Variants in CFAP43 observed in about 807,000 individuals in gnomAD.
The protein encoded by CFAP43 is cilia- and flagella-associated protein 43.
A neutral mutation model predicts 218.9 loss-of-function variants in CFAP43; 155 were observed. The ratio of observed to expected loss-of-function variants is 0.71; its 90% CI spans 0.62 to 0.81. The LOEUF (loss-of-function observed/expected upper bound fraction) is 0.81, where lower values mean the gene tolerates loss of function less well. Ranked by LOEUF, CFAP43 falls within the 30% of genes least tolerant of loss-of-function variation. CFAP43 has a pLI of 0.00. For synonymous variants in CFAP43, 645 were observed against 681.3 expected, an observed-to-expected ratio of 0.95 and a Z score of 0.83; for missense variants, 1,778 against 1,954.3, an observed-to-expected ratio of 0.91 and a Z score of 1.70.
rs1432023457 is a variant in CFAP43, at chr10:104,166,665, A to G, written c.2862T>C (p.Arg954=). The change falls in exon 23 of 38, where the codon CGT becomes CGC. Residue 954 remains arginine (R), a synonymous_variant. Transcript: ENST00000357060. ...CCTCTTCTTCATCATCCTCTTCATG[A>G]CGCTGTTTAATCAACTTAACTCCAG... ...AQSGVKLIKQ[R]HEEDDEEEEE... 10 of 1,614,024 alleles carry G rather than the reference A, an allele frequency of 6.2e-6. No individual in the cohort carries two copies. Among genetic ancestry groups the G allele is most frequent in the Non-Finnish European group, 6.8e-6 (8 of 1,179,996 alleles).
chr10:104,142,765 C>T (rs1034190084), intron 32 of CFAP43, among the ~76,000 whole-genome samples: 1 of 152,102 alleles, frequency 6.6e-6, no homozygotes, highest in Non-Finnish European at 1.5e-5. Flanking sequence ...CAAGAAGCAA[C>T]AAGAGGAAGG....
rs1427633139 is a variant in CFAP43 at position 104,182,510 on chromosome 10, T to C, written c.2145A>G (p.Arg715=). The change falls in exon 17 of 38, where the codon CGA becomes CGG. Residue 715 remains arginine, a synonymous_variant. Transcript: ENST00000357060. ...DGTLVYLKWK[R]FGGHLASEIL... is the part of the protein sequence containing the mutation. ...TTTCACTGGCTAGGTGTCCTCCAAA[T>C]CGCCTATATTAATAAAAAAGAAAAC... The C allele has an allele frequency of 6.4e-7, 1 of 1,572,320 alleles. No individual in the cohort carries two copies. Among genetic ancestry groups the C allele is most frequent in the Admixed American group, 2.1e-5 (1 of 47,566 alleles).
intron 28 of CFAP43, among the ~76,000 whole-genome samples, chr10:104,151,756 A>G (rs968347520): frequency 6.6e-6 from 1 of 151,854 alleles, no homozygotes; most frequent in Non-Finnish European, 1.5e-5. Context: ...CCATTTGTCC[A>G]TTTTTGCTTT....
At chr10:104,141,976 A>C (rs956018983) in intron 33 of CFAP43, among the ~76,000 whole-genome samples, 1 of 152,170 alleles carries the variant, frequency 6.6e-6, no homozygotes, top group African/African-American at 2.4e-5. Context: ...ATATGCCTTG[A>C]GCCCCAAAGT....
chr10:104,136,270 A>AAG (rs1433030404), intron 34 of CFAP43, among the ~76,000 whole-genome samples: 2 of 149,350 alleles, frequency 1.3e-5, no homozygotes, highest in Non-Finnish European at 3.0e-5. Flanking sequence ...AAAAAAAAAA[A>AAG]AAAAAAAAGA....
rs781151599 is a variant in CFAP43, at chr10:104,130,297, G to A, written c.4840C>T (p.Leu1614=). The part of the protein sequence containing the change: ...KDICNAMGSK[L]TCEKIVKERY... ...TCTTTGACAATCTTTTCACAAGTCA[G>A]TTTAGACCCTATCCCAAAAATGAAT... The change falls in exon 38 of 38, where the codon CTG becomes TTG. Residue 1614 remains leucine, a synonymous_variant. Transcript: ENST00000357060. The A allele has an allele frequency of 1.2e-6, 2 of 1,605,592 alleles. No individual in the cohort carries two copies. Among genetic ancestry groups the A allele is most frequent in the South Asian group, 2.3e-5 (2 of 88,720 alleles).
chr10:104,153,082 A>G (rs969318907), intron 27 of CFAP43, among the ~76,000 whole-genome samples: 4 of 152,116 alleles, frequency 2.6e-5, no homozygotes, highest in Non-Finnish European at 4.4e-5. Context: ...GCCCTAAAAA[A>G]TTTTTTATTT....
chr10:104,197,806 C>T (rs1420284727), intron 9 of CFAP43, 116 bp downstream of exon 9: 10 of 685,670 alleles, frequency 1.5e-5, no homozygotes, highest in South Asian at 5.7e-5. Context: ...GCCTCCTGTT[C>T]GCATTGCTTT....
At chr10:104,200,209 T>C (rs1045582099) in intron 8 of CFAP43, among the ~76,000 whole-genome samples, 1 of 152,188 alleles carries the variant, frequency 6.6e-6, no homozygotes, top group Admixed American at 6.5e-5. Context: ...AGAAGGTATA[T>C]AAGCTCTGGA....
intron 27 of CFAP43, among the ~76,000 whole-genome samples, chr10:104,156,460 T>C (rs958571231): frequency 2.6e-5 from 4 of 152,208 alleles, no homozygotes; most frequent in Non-Finnish European, 5.9e-5. Context: ...TAATATTCAG[T>C]ATCACAATGG....
rs780316101 is a variant in CFAP43, at chr10:104,143,442, A to T, written c.4142T>A (p.Val1381Glu). Residue 1381 changes from valine (V) to glutamate (E), a missense_variant, in exon 32 of 38, where the codon GTG becomes GAG. Transcript: ENST00000357060. ...NHFCMTRRAK[V>E]ENEQKVKQKA... is the part of the protein sequence containing the mutation. ...AGTATATACTTTCTGTTCATTTTCC[A>T]CTTTTGCTCGTCTTGTCATGCAGAA... 1 of 1,613,992 alleles carries T rather than the reference A, an allele frequency of 6.2e-7. No homozygotes were observed.
At chr10:104,189,430 A>G (rs2090135746) in intron 12 of CFAP43, among the ~76,000 whole-genome samples, 1 of 152,180 alleles carries the variant, frequency 6.6e-6, no homozygotes, top group Non-Finnish European at 1.5e-5. Flanking sequence ...TCTTCATTCC[A>G]AAGAAGTAGC....
rs569900312 is a variant in CFAP43 at position 104,205,863 on chromosome 10, G to T, written c.963+100C>A. ...AACCATTTTAATTAATAATGTGACAGATCTGACATCCTAAAATATGGCTCA... is the reference window on the plus strand; with the variant it reads ...AACCATTTTAATTAATAATGTGACATATCTGACATCCTAAAATATGGCTCA... On this transcript the variant is annotated intron_variant, in intron 7 of 37. Coordinates refer to ENST00000357060, the MANE Select transcript of CFAP43 (RefSeq NM_025145.7). The T allele has an allele frequency of 4.7e-5, 46 of 970,210 alleles. 1 individual carries two copies. In the East Asian group the frequency reaches 1.1e-3, roughly 24 times the overall value. 60.1% of individuals were successfully genotyped at this position (970,210 alleles called of 1,614,324 possible). A position where few individuals can be genotyped will look rare whatever the true frequency, so the allele number is the denominator to read the frequency against.
chr10:104,130,332 C>T (rs1490694590), intron 37 of CFAP43, 27 bp from the exon 38 acceptor site: 27 of 1,589,182 alleles, frequency 1.7e-5, no homozygotes, highest in East Asian at 2.3e-5. Context: ...TAAAGGAATT[C>T]GATTATTTAT....
At chr10:104,175,632 C>T (rs185621164) in intron 19 of CFAP43, among the ~76,000 whole-genome samples, 88 of 152,246 alleles carry the variant, frequency 5.8e-4, no homozygotes, top group Admixed American at 1.8e-3. Flanking sequence ...TGTTTACCTT[C>T]GTGATTGCAT....
chr10:104,147,189 ATCC>A (rs2088016756), intron 29 of CFAP43, among the ~76,000 whole-genome samples: 1 of 150,838 alleles, frequency 6.6e-6, no homozygotes, highest in South Asian at 2.1e-4. Context: ...CTGAGATGGT[ATCC>A]TCATCTGTGA....
Position 104,232,179 on chromosome 10 carries a change from C to G in CFAP43, c.65+3G>C. ...ATCGGTCGCGGGGCCGTGAACACCG[C>G]ACCTCACGGACAAGGACGCGCCGCC... On this transcript the variant is annotated splice_donor_region_variant and intron_variant, in intron 1 of 37. Coordinates refer to ENST00000357060, the MANE Select transcript of CFAP43 (RefSeq NM_025145.7). The G allele has an allele frequency of 6.2e-7, 1 of 1,608,744 alleles. No individual in the cohort carries two copies. The highest frequency in any genetic ancestry group is 8.5e-7 in the Non-Finnish European group (1 of 1,178,110).
chr10:104,203,663 C>T lies in CFAP43; in HGVS notation c.1095+9G>A. The T allele has an allele frequency of 1.3e-6, 2 of 1,590,076 alleles. No homozygotes were observed. The highest frequency in any genetic ancestry group is 2.4e-5 in the South Asian group (2 of 84,988). ...AAATCACATATCAAGAAATTACCAT[C>T]CAACATACCTTGTCTGTTTGAATCA... On this transcript the variant is annotated intron_variant, in intron 8 of 37. Transcript: ENST00000357060.
chr10:104,165,519 A>G (rs1389170436), intron 23 of CFAP43, among the ~76,000 whole-genome samples: 1 of 152,214 alleles, frequency 6.6e-6, no homozygotes, highest in African/African-American at 2.4e-5. Context: ...AGCTAAGAAC[A>G]TGGCAGGAGA....
Sources: gnomAD v4.1 joint callset for allele counts (sites outside exome capture counted in the v4.1 genomes callset) on GRCh38, gnomAD v4.1.1 for gene constraint, MANE v1.5 for transcripts, NCBI Gene and HGNC (gene_info 2026-07-23, HGNC 2026-07-21) for gene names.